Variants in DLGAP2 observed in about 807,000 individuals in gnomAD.
DLGAP2 encodes the protein disks large-associated protein 2.
Under a neutral mutation model 100.3 loss-of-function variants are expected in DLGAP2, and 26 were observed. The ratio of observed to expected loss-of-function variants is 0.26; its 90% CI spans 0.19 to 0.36. The LOEUF (loss-of-function observed/expected upper bound fraction) is 0.36. Among genes scored for constraint, DLGAP2 ranks in the 10% least tolerant of loss-of-function variants. The probability of loss-of-function intolerance (pLI) is 1.00; values close to 1 mark genes in which losing one functional copy is unlikely to be tolerated. For missense variants in DLGAP2, 1,858 were observed against 1,453.2 expected (o/e 1.28, Z -4.53); for synonymous variants, 886 against 630.1 (o/e 1.41, Z -6.08).
intron 10 of DLGAP2, among the ~76,000 whole-genome samples, chr8:1,670,681 G>C (rs1187667313): frequency 6.6e-6 from 1 of 152,164 alleles, no homozygotes; most frequent in Non-Finnish European, 1.5e-5. Context: ...ACCTTTCATG[G>C]CAGTAAGAAA....
chr8:1,382,128 C>G (rs1179333008), intron 3 of DLGAP2, among the ~76,000 whole-genome samples: 1 of 152,128 alleles, frequency 6.6e-6, no homozygotes, highest in Admixed American at 6.5e-5. Flanking sequence ...AACCAGAAGC[C>G]TAAGCAATAA....
At chr8:1,232,062 C>G (rs1798547037) in intron 2 of DLGAP2, among the ~76,000 whole-genome samples, 1 of 152,134 alleles carries the variant, frequency 6.6e-6, no homozygotes, top group Non-Finnish European at 1.5e-5. Context: ...AAGTAGTGAA[C>G]CAATATTTTG....
intron 2 of DLGAP2, among the ~76,000 whole-genome samples, chr8:1,033,248 C>T (rs1324566081): frequency 6.6e-6 from 1 of 152,196 alleles, no homozygotes; most frequent in Non-Finnish European, 1.5e-5. Context: ...ACAGAAATGA[C>T]AAACAGGCCC....
intron 2 of DLGAP2, among the ~76,000 whole-genome samples, chr8:1,009,695 CA>C (rs1469326908): frequency 2.6e-5 from 4 of 152,156 alleles, no homozygotes; most frequent in African/African-American, 9.7e-5. Context: ...GATGAAGAAC[CA>C]GAAATGGAAC....
In DLGAP2 at chr8:1,636,027, G is replaced by A. The variant is rs531580211; in HGVS notation, c.1810+2981G>A. ...CATATAAACGTTCCTTCGTCCCACC[G>A]TTTCTCTCATTATGAAAAACACTGC... is the stretch of plus-strand genomic sequence containing the variant. On this transcript the variant is annotated intron_variant, in intron 8 of 14. Coordinates refer to ENST00000637795, the MANE Select transcript of DLGAP2 (RefSeq NM_001346810.2). Among the ~76,000 whole-genome samples, 8 of 152,224 alleles carry A rather than the reference G, an allele frequency of 5.3e-5. No individual in the cohort carries two copies. In the South Asian group the frequency reaches 1.2e-3, roughly 24 times the overall value.
chr8:1,521,932 A>C (rs1167427557), intron 4 of DLGAP2, among the ~76,000 whole-genome samples: 1 of 134,494 alleles, frequency 7.4e-6, no homozygotes, highest in Non-Finnish European at 1.5e-5. Flanking sequence ...TCTGGTTTGC[A>C]CACTTGTTTT....
chr8:1,469,733 A>G (rs1798727772), intron 3 of DLGAP2, among the ~76,000 whole-genome samples: 1 of 152,210 alleles, frequency 6.6e-6, no homozygotes, highest in Non-Finnish European at 1.5e-5. Context: ...TTGTTGCCCT[A>G]AATAAAACCA....
chr8:1,268,831 G>T (rs1454650507), intron 3 of DLGAP2, among the ~76,000 whole-genome samples: 2 of 152,184 alleles, frequency 1.3e-5, no homozygotes, highest in African/African-American at 4.8e-5. Flanking sequence ...CTCTGACTTG[G>T]CAGGTGCTAA....
At chr8:759,591 T>TC (rs938769917) in intron 1 of DLGAP2, among the ~76,000 whole-genome samples, 3 of 149,198 alleles carry the variant, frequency 2.0e-5, no homozygotes, top group Admixed American at 6.6e-5. Flanking sequence ...GATGTGGGGC[T>TC]CCCCCCTGGG....
chr8:1,355,670 A>C (rs1209185639), intron 3 of DLGAP2, among the ~76,000 whole-genome samples: 2 of 152,110 alleles, frequency 1.3e-5, no homozygotes, highest in Non-Finnish European at 2.9e-5. Flanking sequence ...GCCAAGTACG[A>C]GTATTTTTTA....
intron 1 of DLGAP2, among the ~76,000 whole-genome samples, chr8:903,821 A>C (rs1181060357): frequency 6.6e-6 from 1 of 152,176 alleles, no homozygotes; most frequent in Non-Finnish European, 1.5e-5. Flanking sequence ...CATTTCTGTT[A>C]AGTCACCTGA....
At chr8:1,288,468 A>G in intron 3 of DLGAP2, among the ~76,000 whole-genome samples, 1 of 110,866 alleles carries the variant, frequency 9.0e-6, no homozygotes, top group South Asian at 3.2e-4. Flanking sequence ...TTAGGAGGGG[A>G]ACTTGTTTCA....
intron 1 of DLGAP2, among the ~76,000 whole-genome samples, chr8:807,997 T>G (rs1322878115): frequency 1.3e-5 from 2 of 152,224 alleles, no homozygotes; most frequent in Non-Finnish European, 2.9e-5. Context: ...ACTAAGCAAT[T>G]GCTACGTGCA....
At chr8:1,688,393 C>T (rs533887187) in intron 12 of DLGAP2, 1 of 152,224 alleles carries the variant, frequency 6.6e-6, no homozygotes, top group African/African-American at 2.4e-5. Context: ...AAAGTGTTAT[C>T]CGAGTTACTT....
chr8:1,697,092 G>A, intron 13 of DLGAP2, 55 bp from the exon 14 acceptor site: 1 of 1,463,226 alleles, frequency 6.8e-7, no homozygotes, highest in Non-Finnish European at 9.0e-7. Flanking sequence ...GGCCTCCCCA[G>A]CCCTGTGCCC....
intron 3 of DLGAP2, chr8:1,378,198 A>G (rs10085926): frequency 0.082 from 14,500 of 176,612 alleles, 1,014 homozygotes; most frequent in East Asian, 0.25. Context: ...CATCCTGTGC[A>G]CACCTGACCT....
At chr8:987,488 C>G (rs1385988501) in intron 2 of DLGAP2, among the ~76,000 whole-genome samples, 1 of 152,194 alleles carries the variant, frequency 6.6e-6, no homozygotes. Context: ...AGGCCCAGCA[C>G]AGTTCTGCCG....
intron 1 of DLGAP2, among the ~76,000 whole-genome samples, chr8:828,238 C>T (rs1796718164): frequency 6.6e-6 from 1 of 152,164 alleles, no homozygotes; most frequent in Non-Finnish European, 1.5e-5. Context: ...GCAGGAATTT[C>T]CTCTTCCTAA....
chr8:983,655 G>T (rs1800406027), intron 2 of DLGAP2, among the ~76,000 whole-genome samples: 1 of 152,164 alleles, frequency 6.6e-6, no homozygotes, highest in South Asian at 2.1e-4. Flanking sequence ...ATTAAAAGAA[G>T]TTTTTGGGAT....
Sources: allele counts gnomAD v4.1 joint callset (sites outside exome capture counted in the v4.1 genomes callset), GRCh38; gene constraint gnomAD v4.1.1; transcripts MANE v1.5; gene names NCBI Gene and HGNC (gene_info 2026-07-23, HGNC 2026-07-21).